Variants in POLR3E observed in about 807,000 individuals in gnomAD.
POLR3E encodes the protein RNA polymerase III subunit E, also known as DNA-directed RNA polymerase III subunit RPC5.
Under a neutral mutation model 96.6 loss-of-function variants are expected in POLR3E, and 41 were observed. That is an observed-to-expected ratio of 0.42 (90% CI 0.33 to 0.55). The LOEUF (loss-of-function observed/expected upper bound fraction) is 0.55. POLR3E is among the 20% of genes least tolerant of loss of function. The pLI, the probability that POLR3E is intolerant of heterozygous loss-of-function variation, is 0.06. For synonymous variants in POLR3E, 396 were observed against 383.6 expected (o/e 1.03, Z -0.38); for missense variants, 849 against 952.1 (o/e 0.89, Z 1.43).
At chr16:22,314,429 C>T (rs537930434) in intron 8 of POLR3E, among the ~76,000 whole-genome samples, 1 of 152,328 alleles carries the variant, frequency 6.6e-6, no homozygotes, top group East Asian at 1.9e-4. Context: ...TGTATCTTAA[C>T]AGAGCCAAAG....
Position 22,333,632 on chromosome 16 carries a change from T to A in POLR3E, c.2071-12T>A. 1 of 1,602,304 alleles carries A rather than the reference T, an allele frequency of 6.2e-7. No individual in the cohort carries two copies. The highest frequency in any genetic ancestry group is 1.1e-5 in the South Asian group (1 of 90,846). On this transcript the variant is annotated splice_polypyrimidine_tract_variant and intron_variant, in intron 20 of 20. Coordinates refer to ENST00000299853, the MANE Select transcript of POLR3E (RefSeq NM_018119.4). ...TGCAAAAATCTGTGCTTACCCTGTTTCTCTCTCATAGGACTGCTGTGTAAG... is the reference window on the plus strand; with the variant it reads ...TGCAAAAATCTGTGCTTACCCTGTTACTCTCTCATAGGACTGCTGTGTAAG...
At position 22,325,756 on chromosome 16, in the gene POLR3E, C is replaced by G; in HGVS notation, c.1349-5C>G. The G allele has an allele frequency of 6.4e-7, 1 of 1,551,856 alleles. No individual in the cohort carries two copies. Among genetic ancestry groups the G allele is most frequent in the Non-Finnish European group, 8.7e-7 (1 of 1,151,046 alleles). On this transcript the variant is annotated splice_polypyrimidine_tract_variant and splice_region_variant and intron_variant, in intron 17 of 20. Coordinates refer to ENST00000299853, the MANE Select transcript of POLR3E (RefSeq NM_018119.4). ...TCCTGAGCAGTGCTGCCTCCCTCCC[C>G]GCAGGGCCTGCCGGGCTGGTCTGTG...
chr16:22,325,482 T>C (rs2048561468), intron 17 of POLR3E: 1 of 609,776 alleles, frequency 1.6e-6, no homozygotes, highest in Non-Finnish European at 2.9e-6. Flanking sequence ...ATTCCAGGGC[T>C]GAGTCTGGGT....
In POLR3E at chr16:22,313,991, C is replaced by A; in HGVS notation, c.473-88C>A. ...TCTGCGAGGAGAACTCCCAGCACCC[C>A]GGCCTGAGGCTTCCCTGGCGGGTGG... On this transcript the variant is annotated intron_variant, in intron 7 of 20. Transcript: ENST00000299853. This position sits in a 1 kb window ranked among gnomAD's most constrained non-coding sequence, Gnocchi z 4.1. The A allele has an allele frequency of 8.3e-7, 1 of 1,198,168 alleles. No homozygotes were observed. The highest frequency in any genetic ancestry group is 1.2e-6 in the Non-Finnish European group (1 of 805,174). The allele number at this position is 1,198,168 out of a possible 1,614,324, so 74.2% of individuals were successfully genotyped here.
At chr16:22,303,180 C>T (rs1335269028) in intron 2 of POLR3E, among the ~76,000 whole-genome samples, 176 bp downstream of exon 2, 1 of 152,036 alleles carries the variant, frequency 6.6e-6, no homozygotes, top group African/African-American at 2.4e-5. Flanking sequence ...CTGACCTCTC[C>T]CTTCCTTCAG....
intron 13 of POLR3E, among the ~76,000 whole-genome samples, chr16:22,320,313 G>T (rs1260198724): frequency 1.3e-5 from 2 of 152,046 alleles, no homozygotes; most frequent in African/African-American, 4.8e-5. Flanking sequence ...CCAGGCTGGG[G>T]TGCAGTGGCA....
rs755450212 is a variant in POLR3E at position 22,328,534 on chromosome 16, C to T, written c.1891C>T (p.Pro631Ser). 1 of 1,614,040 alleles carries T rather than the reference C, an allele frequency of 6.2e-7. No homozygotes were observed. Among genetic ancestry groups the T allele is most frequent in the Non-Finnish European group, 8.5e-7 (1 of 1,179,958 alleles). Residue 631 changes from proline (P) to serine (S), a missense_variant, in exon 19 of 21, where the codon CCG (proline) becomes TCG (serine). Physicochemically the swap from Pro to Ser is moderately conservative, Grantham distance 74 (BLOSUM62 -1). Coordinates refer to ENST00000299853, the MANE Select transcript of POLR3E (RefSeq NM_018119.4). ...GTTTCCCCCCCAGACTGCTGCTTCC[C>T]CGGATGAGCAGAAGGTGTTTGCCCT... ...VPFPPQTAAS[P>S]DEQKVFALWE...
At position 22,315,273 on chromosome 16, in the gene POLR3E, C is replaced by T. The variant is rs1439824621; in HGVS notation, c.642+65C>T. The stretch of plus-strand genomic sequence containing the variant: ...GTGCCCGGAAGGGTCATGGTGTGGC[C>T]TCCGTGTCTCACCTTGAACTTAAGT... On this transcript the variant is annotated intron_variant, in intron 9 of 20. Transcript: ENST00000299853. The T allele has an allele frequency of 1.5e-5, 22 of 1,490,296 alleles. No homozygotes were observed. In the East Asian group the frequency reaches 3.2e-4, roughly 22 times the overall value. The allele number at this position is 1,490,296 out of a possible 1,614,324, so 92.3% of individuals were successfully genotyped here. A position where few individuals can be genotyped will look rare whatever the true frequency, so the allele number is the denominator to read the frequency against.
rs2048055606 is a variant in POLR3E at position 22,302,912 on chromosome 16, C to T, written c.-38-19C>T. 7 of 1,532,080 alleles carry T rather than the reference C, an allele frequency of 4.6e-6. No homozygotes were observed. The highest frequency in any genetic ancestry group is 1.4e-5 in the African/African-American group (1 of 73,282). 94.9% of individuals were successfully genotyped at this position (1,532,080 alleles called of 1,614,324 possible). A position where few individuals can be genotyped will look rare whatever the true frequency, so the allele number is the denominator to read the frequency against. On this transcript the variant is annotated intron_variant, in intron 1 of 20. Transcript: ENST00000299853. ...TGGTTGAACGACTGATGGTCCCAGT[C>T]TCTCGCCCTCCTTTGCAGATCGAGC... is the stretch of plus-strand genomic sequence containing the variant.
intron 18 of POLR3E, chr16:22,327,040 G>C (rs2048612394): frequency 6.6e-6 from 1 of 152,520 alleles, no homozygotes; most frequent in African/African-American, 2.4e-5. Context: ...GCTGAGGATA[G>C]AGAGCGCCAG....
intron 6 of POLR3E, chr16:22,309,907 G>C (rs987727773): frequency 1.0e-5 from 2 of 193,776 alleles, no homozygotes; most frequent in Non-Finnish European, 2.2e-5. Flanking sequence ...ATACACAGTT[G>C]TTCACAGTAG....
intron 9 of POLR3E, 118 bp from the exon 10 acceptor site, chr16:22,316,483 G>A (rs1027367595): frequency 2.8e-6 from 2 of 723,600 alleles, no homozygotes; most frequent in African/African-American, 3.5e-5. Context: ...CCGTGCTCAG[G>A]AGGTTGGATG....
In POLR3E at chr16:22,333,908, AG is replaced by A. The variant is rs2048797030; in HGVS notation, c.*209del. 1 of 471,384 alleles carries A rather than the reference AG, an allele frequency of 2.1e-6. No homozygotes were observed. The highest frequency in any genetic ancestry group is 1.9e-5 in the African/African-American group (1 of 51,666). 29.2% of individuals were successfully genotyped at this position (471,384 alleles called of 1,614,324 possible). A position where few individuals can be genotyped will look rare whatever the true frequency, so the allele number is the denominator to read the frequency against. On this transcript the variant is annotated 3_prime_UTR_variant, in exon 21 of 21. Transcript: ENST00000299853. Reference sequence around the variant, plus strand: ...AAGTTAGTTAGATCACTCCCAGAAGAGACCAGCTGGGACCTTCTTTGCAGTA... The same window carrying A: ...AAGTTAGTTAGATCACTCCCAGAAGAACCAGCTGGGACCTTCTTTGCAGTA...
rs1431224331 is a variant in POLR3E, at chr16:22,309,041, G to T, written c.281+1G>T. ...CCGACGAGACCAGCACGTATTCCTC[G>T]TGAGTTTCCGGCCCCAAGCCTGTCC... On this transcript the variant is annotated splice_donor_variant, in intron 5 of 20. Coordinates refer to ENST00000299853, the MANE Select transcript of POLR3E (RefSeq NM_018119.4). LOFTEE classifies it high-confidence loss of function. 2 of 1,603,932 alleles carry T rather than the reference G, an allele frequency of 1.2e-6. No homozygotes were observed. The highest frequency in any genetic ancestry group is 1.7e-6 in the Non-Finnish European group (2 of 1,171,414).
chr16:22,299,602 C>T (rs1201820891), intron 1 of POLR3E, among the ~76,000 whole-genome samples: 6 of 151,492 alleles, frequency 4.0e-5, no homozygotes, highest in Non-Finnish European at 1.5e-5. Flanking sequence ...TAAGTAGAGA[C>T]GGGGTTTCAC....
intron 5 of POLR3E, 38 bp from the exon 6 acceptor site, chr16:22,309,390 T>C (rs1287906910): frequency 2.7e-6 from 4 of 1,480,188 alleles, no homozygotes; most frequent in Non-Finnish European, 3.8e-6. Flanking sequence ...GGCTCGGAGC[T>C]GCCTTCCCCT....
intron 1 of POLR3E, among the ~76,000 whole-genome samples, chr16:22,301,144 C>A (rs1432857941): frequency 8.2e-5 from 11 of 134,714 alleles, no homozygotes; most frequent in Admixed American, 6.5e-4. Flanking sequence ...GAAGGGGGGA[C>A]CATGAGGTTA....
rs745937923 is a variant in POLR3E at position 22,325,920 on chromosome 16, G to A, written c.1508G>A (p.Ser503Asn). ...PGVRIKEEPV[S>N]EEGEEDEEQE... ...GTGCGGATCAAGGAGGAGCCCGTGAGCGAGGAGGGCGAGGAGGACGAGGAG... is the reference window on the plus strand; with the variant it reads ...GTGCGGATCAAGGAGGAGCCCGTGAACGAGGAGGGCGAGGAGGACGAGGAG... The change falls in exon 18 of 21, where the codon AGC (serine) becomes AAC (asparagine). Residue 503 changes from serine (S) to asparagine (N), a missense_variant. By Grantham distance (46) the Ser-to-Asn change is conservative. Coordinates refer to ENST00000299853, the MANE Select transcript of POLR3E (RefSeq NM_018119.4). 2.5e-6 allele frequency: 4 copies of A among 1,595,492 alleles called. No individual in the cohort carries two copies. The South Asian group carries it at 3.4e-5, about 13-fold the overall frequency.
At chr16:22,300,780 C>G (rs2048005185) in intron 1 of POLR3E, among the ~76,000 whole-genome samples, 1 of 152,242 alleles carries the variant, frequency 6.6e-6, no homozygotes, top group South Asian at 2.1e-4. Context: ...TCTACCCGCT[C>G]CATGTCTTCC....
Sources: gnomAD v4.1 joint callset for allele counts (sites outside exome capture counted in the v4.1 genomes callset) on GRCh38, gnomAD v4.1.1 for gene constraint, Gnocchi (gnomAD v3.1) non-coding constraint, MANE v1.5 for transcripts, NCBI Gene and HGNC (gene_info 2026-07-23, HGNC 2026-07-21) for gene names.